STK32A: variants seen among roughly 807,000 people sequenced by gnomAD.
The protein encoded by STK32A is serine/threonine kinase 32A, also known as serine/threonine-protein kinase 32A.
STK32A carries 41 observed loss-of-function variants against 53.2 expected under a neutral mutation model. The ratio of observed to expected loss-of-function variants is 0.77; its 90% CI spans 0.60 to 1.00. STK32A has a LOEUF of 1.00. Among genes scored for constraint, STK32A ranks in the 50% least tolerant of loss-of-function variants. STK32A has a pLI of 0.00. For synonymous variants in STK32A, 166 were observed against 162.8 expected (o/e 1.02, Z -0.15); for missense variants, 458 against 485.8 (o/e 0.94, Z 0.54).
chr5:147,351,481 G>A (rs2151993655), intron 7 of STK32A, among the ~76,000 whole-genome samples: 1 of 152,224 alleles, frequency 6.6e-6, no homozygotes, highest in South Asian at 2.1e-4. Flanking sequence ...CGGTGACCCT[G>A]TAGAAAGCAA....
At chr5:147,335,823 G>A (rs532098057) in intron 5 of STK32A, among the ~76,000 whole-genome samples, 8 of 152,314 alleles carry the variant, frequency 5.3e-5, no homozygotes, top group Admixed American at 2.6e-4. Context: ...GCATGCGTGC[G>A]CGTGTGTGCG....
chr5:147,316,673 T>C (rs188274712), intron 4 of STK32A, among the ~76,000 whole-genome samples: 10 of 152,022 alleles, frequency 6.6e-5, no homozygotes, highest in African/African-American at 1.9e-4. Context: ...CTGAGCAACA[T>C]AGTAAGACCC....
rs1754443662 is a variant in STK32A at position 147,323,928 on chromosome 5, C to T, written c.291C>T (p.Phe97=). 6.2e-7 allele frequency: 1 copy of T among 1,613,618 alleles called. No individual in the cohort carries two copies. Among genetic ancestry groups the T allele is most frequent in the Non-Finnish European group, 8.5e-7 (1 of 1,179,812 alleles). The change falls in exon 5 of 13, where the codon TTC becomes TTT. Residue 97 remains phenylalanine, a synonymous_variant. Transcript: ENST00000397936. ...WYSFQDEEDM[F]MVVDLLLGGD... is the part of the protein sequence containing the mutation. Reference sequence around the variant, plus strand: ...CCTTCCAAGATGAGGAAGACATGTTCATGGTGGTGGACCTCCTGCTGGGTG... The same window carrying T: ...CCTTCCAAGATGAGGAAGACATGTTTATGGTGGTGGACCTCCTGCTGGGTG...
intron 2 of STK32A, among the ~76,000 whole-genome samples, chr5:147,248,229 C>T (rs1753837927): frequency 6.6e-6 from 1 of 151,968 alleles, no homozygotes; most frequent in South Asian, 2.1e-4. Context: ...CTGACTCCTG[C>T]TCTAAGCATC....
intron 4 of STK32A, among the ~76,000 whole-genome samples, chr5:147,308,297 T>G (rs1315939951): frequency 5.9e-5 from 9 of 152,144 alleles, no homozygotes; most frequent in African/African-American, 2.2e-4. Flanking sequence ...GACTAGGTAT[T>G]TGATAAGATT....
intron 2 of STK32A, among the ~76,000 whole-genome samples, chr5:147,274,368 C>A (rs982417553): frequency 2.0e-5 from 3 of 152,156 alleles, no homozygotes; most frequent in African/African-American, 7.2e-5. Flanking sequence ...CCACAAAGAC[C>A]CAGTGTCTCC....
At chr5:147,367,894 G>A (rs1895564) in intron 8 of STK32A, among the ~76,000 whole-genome samples, 134,674 of 152,278 alleles carry the variant, frequency 0.88, 59,880 homozygotes, top group African/African-American at 0.97. Context: ...GTTTCAAAAT[G>A]TAGCTTATCT....
intron 8 of STK32A, among the ~76,000 whole-genome samples, chr5:147,365,081 C>A (rs185329879): frequency 7.9e-5 from 12 of 152,284 alleles, no homozygotes; most frequent in African/African-American, 2.9e-4. Flanking sequence ...GTCAATAGCC[C>A]TCTTCTTTGG....
chr5:147,237,149 A>G (rs1753357793), intron 1 of STK32A, among the ~76,000 whole-genome samples: 1 of 151,960 alleles, frequency 6.6e-6, no homozygotes, highest in South Asian at 2.1e-4. Context: ...CATCTCTACT[A>G]AAAATACAAA....
Position 147,373,289 on chromosome 5 carries a change from C to G in STK32A, c.898C>G (p.Pro300Ala), listed in dbSNP as rs755980187. ...FQKRLIPGFIPNKGRLNCDPT... is the reference protein window; with the variant it reads ...FQKRLIPGFIANKGRLNCDPT... Reference sequence around the variant, plus strand: ...GAAGAGGCTCATTCCAGGTTTCATTCCTAATGTGAGTCAATCCTAACAAAG... The same window carrying G: ...GAAGAGGCTCATTCCAGGTTTCATTGCTAATGTGAGTCAATCCTAACAAAG... Residue 300 changes from proline to alanine, a missense_variant, in exon 10 of 13, where the codon CCT becomes GCT. Physicochemically the swap from Pro to Ala is conservative, Grantham distance 27 (BLOSUM62 -1). Transcript: ENST00000397936. 6.2e-7 allele frequency: 1 copy of G among 1,613,160 alleles called. No homozygotes were observed. The highest frequency in any genetic ancestry group is 1.1e-5 in the South Asian group (1 of 91,056).
At chr5:147,249,048 T>G (rs1458168361) in intron 2 of STK32A, among the ~76,000 whole-genome samples, 1 of 152,158 alleles carries the variant, frequency 6.6e-6, no homozygotes, top group African/African-American at 2.4e-5. Flanking sequence ...TGTGGACAAG[T>G]AGCAACTACG....
At chr5:147,260,248 CT>C in intron 2 of STK32A, among the ~76,000 whole-genome samples, 6 of 137,918 alleles carry the variant, frequency 4.4e-5, no homozygotes, top group African/African-American at 1.7e-4. Flanking sequence ...CTGTCTCTCT[CT>C]CTCTCCTCTC....
intron 2 of STK32A, among the ~76,000 whole-genome samples, chr5:147,259,827 G>GTT (rs1310650689): frequency 9.2e-6 from 1 of 108,590 alleles, no homozygotes; most frequent in Non-Finnish European, 1.9e-5. Flanking sequence ...TCTCTCTCTT[G>GTT]TTTCTCTCTC....
chr5:147,339,720 T>C (rs938583085), intron 5 of STK32A, among the ~76,000 whole-genome samples: 1 of 152,246 alleles, frequency 6.6e-6, no homozygotes, highest in African/African-American at 2.4e-5. Flanking sequence ...ATGTGAGACA[T>C]GGAGTCAAAG....
At chr5:147,248,347 A>G (rs1753842672) in intron 2 of STK32A, among the ~76,000 whole-genome samples, 2 of 152,022 alleles carry the variant, frequency 1.3e-5, no homozygotes, top group Admixed American at 1.3e-4. Context: ...TAATAAATTC[A>G]TTCTTCCCTG....
intron 2 of STK32A, among the ~76,000 whole-genome samples, chr5:147,254,404 A>T (rs1378911913): frequency 6.6e-6 from 1 of 152,200 alleles, no homozygotes; most frequent in Non-Finnish European, 1.5e-5. Context: ...ACTTTGCTTT[A>T]CATACTAAGG....
rs182643037 is a variant in STK32A at position 147,285,362 on chromosome 5, A to G, written c.260+5964A>G. Among the ~76,000 whole-genome samples, 36 of 152,276 alleles carry G rather than the reference A, an allele frequency of 2.4e-4. No homozygotes were observed. In the East Asian group the frequency reaches 5.2e-3, roughly 22 times the overall value. ...AACTATAAAAATTCTAGAAGATAAC[A>G]TTGGAAAAACCCTTCTAGACATTGG... On this transcript the variant is annotated intron_variant, in intron 4 of 12. Transcript: ENST00000397936.
intron 7 of STK32A, among the ~76,000 whole-genome samples, chr5:147,351,501 G>C (rs986233801): frequency 6.6e-5 from 10 of 152,094 alleles, no homozygotes; most frequent in Middle Eastern, 3.4e-3. Flanking sequence ...ACACAGACAA[G>C]GTCTTCAGAT....
chr5:147,252,045 T>G (rs1754023107), intron 2 of STK32A, among the ~76,000 whole-genome samples: 2 of 151,736 alleles, frequency 1.3e-5, no homozygotes, highest in Non-Finnish European at 2.9e-5. Flanking sequence ...TCTACCATTT[T>G]TTTTTTAATT....
Sources: allele counts gnomAD v4.1 joint callset (sites outside exome capture counted in the v4.1 genomes callset), GRCh38; gene constraint gnomAD v4.1.1; transcripts MANE v1.5; gene names NCBI Gene and HGNC (gene_info 2026-07-23, HGNC 2026-07-21).